STARD9: variants seen among roughly 807,000 people sequenced by gnomAD.
STARD9 encodes the protein stAR-related lipid transfer protein 9.
Under a neutral mutation model 399.8 loss-of-function variants are expected in STARD9, and 346 were observed. The observed-to-expected ratio is 0.87, with a 90% CI of 0.79 to 0.95. The LOEUF (loss-of-function observed/expected upper bound fraction) is 0.95, where lower values mean the gene tolerates loss of function less well. Ranked by LOEUF, STARD9 falls within the 40% of genes least tolerant of loss-of-function variation. The probability of loss-of-function intolerance (pLI) is 0.00; values close to 1 mark genes in which losing one functional copy is unlikely to be tolerated. For missense variants in STARD9, 5,832 were observed against 5,667.5 expected (o/e 1.03, Z -0.93); for synonymous variants, 2,203 against 2,143.5 (o/e 1.03, Z -0.77).
chr15:42,650,445 T>TTATTTAGCCA (rs1171263398), intron 7 of STARD9, among the ~76,000 whole-genome samples: 3 of 152,196 alleles, frequency 2.0e-5, no homozygotes, highest in Non-Finnish European at 4.4e-5. Context: ...GCCTCCCCAT[T>TTATTTAGCCA]CTATAGTGGC....
Position 42,692,533 on chromosome 15 carries a change from G to A in STARD9, c.10955G>A (p.Ser3652Asn). The change falls in exon 23 of 33, where the codon AGC becomes AAC. Residue 3652 changes from serine (S) to asparagine (N), a missense_variant. This residue lies in a region of STARD9 where 5,828 missense variants were observed against 5,651.1 expected (regional missense o/e 1.03). Coordinates refer to ENST00000290607, the MANE Select transcript of STARD9 (RefSeq NM_020759.3). ...ACCCTCGGCAGCAGGCGCCACTGGA[G>A]CAGCACTGACATCTCCTTTGCTCAG... ...TQTLGSRRHWSSTDISFAQPE... is the reference protein window; with the variant it reads ...TQTLGSRRHWNSTDISFAQPE... 1 of 1,537,206 alleles carries A rather than the reference G, an allele frequency of 6.5e-7. No individual in the cohort carries two copies.
At chr15:42,577,451 C>T (rs1263965440) in intron 1 of STARD9, among the ~76,000 whole-genome samples, 1 of 152,112 alleles carries the variant, frequency 6.6e-6, no homozygotes, top group East Asian at 1.9e-4. Context: ...CTGCGCCCAG[C>T]CGGACACTAG....
chr15:42,703,394 G>A (rs1447806214), intron 26 of STARD9, among the ~76,000 whole-genome samples: 1 of 146,674 alleles, frequency 6.8e-6, no homozygotes, highest in Non-Finnish European at 1.5e-5. Flanking sequence ...ATGGAGTCTT[G>A]CACTGTTCAC....
rs540950607 is a variant in STARD9 at position 42,660,588 on chromosome 15, A to C, written c.703-570A>C. On this transcript the variant is annotated intron_variant, in intron 9 of 32. Coordinates refer to ENST00000290607, the MANE Select transcript of STARD9 (RefSeq NM_020759.3). ...CTCAAAAAAAAAACAGACAAACAAA[A>C]AAAAAAAAACAAGAAACAAAAATTA... Among the ~76,000 whole-genome samples the C allele has an allele frequency of 4.3e-3, 656 of 151,914 alleles. 4 individuals carry two copies. The highest frequency in any genetic ancestry group is 0.015 in the African/African-American group (630 of 41,516).
intron 1 of STARD9, among the ~76,000 whole-genome samples, chr15:42,576,766 G>C (rs2058065263): frequency 6.6e-6 from 1 of 152,186 alleles, no homozygotes; most frequent in Non-Finnish European, 1.5e-5. Flanking sequence ...TACTAGTGTG[G>C]ATTATGTTCG....
At chr15:42,655,590 G>C (rs1006647597) in intron 9 of STARD9, among the ~76,000 whole-genome samples, 1 of 152,140 alleles carries the variant, frequency 6.6e-6, no homozygotes, top group Non-Finnish European at 1.5e-5. Context: ...ATCAACTCAA[G>C]ATAGATGAAA....
At chr15:42,707,814 C>G (rs940634929) in intron 26 of STARD9, among the ~76,000 whole-genome samples, 10 of 151,902 alleles carry the variant, frequency 6.6e-5, no homozygotes, top group African/African-American at 2.4e-4. Context: ...CACATACAAA[C>G]AAAAAGATAC....
At chr15:42,663,740 G>A in intron 12 of STARD9, 80 bp from the exon 13 acceptor site, 1 of 1,074,990 alleles carries the variant, frequency 9.3e-7, no homozygotes, top group East Asian at 2.6e-5. Context: ...TATACAGCAT[G>A]GGCAGTAGTA....
intron 26 of STARD9, among the ~76,000 whole-genome samples, chr15:42,706,578 G>T (rs8036733): frequency 0.077 from 11,733 of 151,512 alleles, 1,137 homozygotes; most frequent in African/African-American, 0.24. Flanking sequence ...GCCTCCCGAA[G>T]AGCTGGGATT....
intron 7 of STARD9, among the ~76,000 whole-genome samples, chr15:42,647,891 T>TA: frequency 6.6e-6 from 1 of 152,236 alleles, no homozygotes; most frequent in East Asian, 1.9e-4. Context: ...CACATTGTCT[T>TA]ACTATTTTGG....
At chr15:42,633,796 C>T (rs2059373800) in intron 3 of STARD9, among the ~76,000 whole-genome samples, 1 of 151,930 alleles carries the variant, frequency 6.6e-6, no homozygotes, top group African/African-American at 2.4e-5. Flanking sequence ...GTGCCCGCCA[C>T]CATGCCTGGG....
At chr15:42,683,983 T>C in intron 22 of STARD9, 133 bp from the exon 23 acceptor site, 1 of 971,764 alleles carries the variant, frequency 1.0e-6, no homozygotes, top group Non-Finnish European at 1.4e-6. Context: ...AATTTCCTTT[T>C]ATACCTGGAG....
At chr15:42,645,912 C>T (rs1028740196) in intron 7 of STARD9, among the ~76,000 whole-genome samples, 3 of 152,034 alleles carry the variant, frequency 2.0e-5, no homozygotes, top group Non-Finnish European at 4.4e-5. Flanking sequence ...GTAATCCCAG[C>T]ACTTTGGGAG....
chr15:42,595,156 C>T (rs963650430), intron 3 of STARD9, among the ~76,000 whole-genome samples: 2 of 151,852 alleles, frequency 1.3e-5, no homozygotes, highest in Non-Finnish European at 2.9e-5. Flanking sequence ...TGAGGAGGGA[C>T]CTTTGAGGGG....
intron 3 of STARD9, among the ~76,000 whole-genome samples, chr15:42,587,949 A>G (rs2058310729): frequency 6.6e-6 from 1 of 152,170 alleles, no homozygotes; most frequent in Non-Finnish European, 1.5e-5. Flanking sequence ...GAGCTCCTCC[A>G]AGAAGAACCA....
At chr15:42,711,505 CTTATA>C (rs1196190647) in intron 26 of STARD9, among the ~76,000 whole-genome samples, 8 of 152,270 alleles carry the variant, frequency 5.3e-5, no homozygotes, top group African/African-American at 1.9e-4. Flanking sequence ...CCAGTACTAT[CTTATA>C]TTAACTTGGT....
Position 42,575,631 on chromosome 15 carries a change from G to C in STARD9, c.-85G>C. 1 of 1,444,966 alleles carries C rather than the reference G, an allele frequency of 6.9e-7. No individual in the cohort carries two copies. The highest frequency in any genetic ancestry group is 9.4e-7 in the Non-Finnish European group (1 of 1,067,188). 89.5% of individuals were successfully genotyped at this position (1,444,966 alleles called of 1,614,324 possible). A position where few individuals can be genotyped will look rare whatever the true frequency, so the allele number is the denominator to read the frequency against. ...AGAGGCGCGTGGGGCGGGCGGGGCT[G>C]GGTTGGGGCTGTGTCTGGGCTTAGG... On this transcript the variant is annotated 5_prime_UTR_variant, in exon 1 of 33. Coordinates refer to ENST00000290607, the MANE Select transcript of STARD9 (RefSeq NM_020759.3).
intron 3 of STARD9, among the ~76,000 whole-genome samples, chr15:42,615,535 A>T (rs560774824): frequency 2.0e-5 from 3 of 151,836 alleles, no homozygotes; most frequent in South Asian, 2.1e-4. Flanking sequence ...AAAAAATATT[A>T]AAAAACATCC....
In STARD9 at chr15:42,685,281, T is replaced by C; in HGVS notation, c.3703T>C (p.Phe1235Leu). The change falls in exon 23 of 33, where the codon TTT becomes CTT. Residue 1235 changes from phenylalanine to leucine, a missense_variant. Phe to Leu is a conservative substitution (Grantham distance 22). Around this residue, in one of 2 missense-constraint regions of STARD9, gnomAD observed 5,828 missense variants for 5,651.1 expected, o/e 1.03. Coordinates refer to ENST00000290607, the MANE Select transcript of STARD9 (RefSeq NM_020759.3). ...AGCTGACGAGATACCCACAGAGACT[T>C]TTTGGCACCTGGAGGACTCTAGTCT... Reference protein sequence around the residue: ...GSADEIPTETFWHLEDSSLPV... With the variant: ...GSADEIPTETLWHLEDSSLPV... 1 of 1,537,498 alleles carries C rather than the reference T, an allele frequency of 6.5e-7. No homozygotes were observed. The highest frequency in any genetic ancestry group is 8.7e-7 in the Non-Finnish European group (1 of 1,146,972).
Sources: gnomAD v4.1 joint callset for allele counts (sites outside exome capture counted in the v4.1 genomes callset) on GRCh38, gnomAD v4.1.1 for gene constraint, gnomAD v4.1.1 regional missense constraint, MANE v1.5 for transcripts, NCBI Gene and HGNC (gene_info 2026-07-23, HGNC 2026-07-21) for gene names.